Variants in IGF1R observed in about 807,000 individuals in gnomAD.
IGF1R encodes the protein insulin-like growth factor 1 receptor.
In IGF1R, 44 loss-of-function variants were observed where a neutral mutation model predicts 144.6. The ratio of observed to expected loss-of-function variants is 0.30; its 90% CI spans 0.24 to 0.39. IGF1R has a LOEUF of 0.39. Among genes scored for constraint, IGF1R ranks in the 10% least tolerant of loss-of-function variants. The pLI is 1.00. For synonymous variants in IGF1R, 795 were observed against 722.8 expected, an observed-to-expected ratio of 1.10 and a Z score of -1.60; for missense variants, 1,355 against 1,833.7, an observed-to-expected ratio of 0.74 and a Z score of 4.77.
chr15:98,812,336 CA>C (rs1343230116), intron 2 of IGF1R, among the ~76,000 whole-genome samples: 1 of 151,014 alleles, frequency 6.6e-6, no homozygotes, highest in Admixed American at 6.6e-5. Context: ...ATTATTTTTA[CA>C]TTGTTGTTGT....
chr15:98,713,969 A>G (rs1442591752), intron 2 of IGF1R, among the ~76,000 whole-genome samples: 2 of 152,120 alleles, frequency 1.3e-5, no homozygotes, highest in African/African-American at 4.8e-5. Context: ...GGGCAGCCTT[A>G]TTTCAATTAA....
chr15:98,848,817 A>G (rs1224766399), intron 2 of IGF1R, among the ~76,000 whole-genome samples: 1 of 152,254 alleles, frequency 6.6e-6, no homozygotes, highest in African/African-American at 2.4e-5. Flanking sequence ...CAACTGTACA[A>G]TATGCAAATA....
intron 2 of IGF1R, among the ~76,000 whole-genome samples, chr15:98,880,492 T>G (rs2013316274): frequency 6.6e-6 from 1 of 152,218 alleles, no homozygotes; most frequent in Admixed American, 6.5e-5. Flanking sequence ...AATTAAGTGT[T>G]CACAGATACA....
At chr15:98,941,925 A>G (rs894761724) in intron 18 of IGF1R, among the ~76,000 whole-genome samples, 3 of 152,238 alleles carry the variant, frequency 2.0e-5, no homozygotes, top group African/African-American at 7.2e-5. Flanking sequence ...AAAATCTGAC[A>G]AAGCAGCAAT....
chr15:98,760,829 C>T (rs1000312274), intron 2 of IGF1R, among the ~76,000 whole-genome samples: 1 of 152,314 alleles, frequency 6.6e-6, no homozygotes, highest in East Asian at 1.9e-4. Flanking sequence ...TTTCTGATTA[C>T]CCATCCTTCG....
rs1228234850 is a variant in IGF1R at position 98,959,156 on chromosome 15, C to G, written c.*1714C>G. ...CACTCACCGTGGTTGAGAAGCCTCA[C>G]CCTCTCTTTCCCTTGCCTTTGCTTA... On this transcript the variant is annotated 3_prime_UTR_variant, in exon 21 of 21. Coordinates refer to ENST00000650285, the MANE Select transcript of IGF1R (RefSeq NM_000875.5). 1.7e-5 allele frequency: 4 copies of G among 233,386 alleles called. No homozygotes were observed. The highest frequency in any genetic ancestry group is 8.8e-5 in the African/African-American group (4 of 45,356). 14.5% of individuals were successfully genotyped at this position (233,386 alleles called of 1,614,324 possible).
intron 2 of IGF1R, among the ~76,000 whole-genome samples, chr15:98,709,867 A>G (rs2053952211): frequency 6.6e-6 from 1 of 152,200 alleles, no homozygotes; most frequent in East Asian, 1.9e-4. Context: ...TTGTTCACGA[A>G]CTAGGTAGGT....
At chr15:98,953,847 G>A (rs554578511) in intron 20 of IGF1R, among the ~76,000 whole-genome samples, 60 of 152,264 alleles carry the variant, frequency 3.9e-4, no homozygotes, top group Non-Finnish European at 2.2e-4. Context: ...TTGGTTCTGC[G>A]GGAATCGAGT....
intron 1 of IGF1R, among the ~76,000 whole-genome samples, chr15:98,673,409 G>T (rs1192440716): frequency 6.6e-6 from 1 of 152,136 alleles, no homozygotes; most frequent in Admixed American, 6.6e-5. Context: ...TGCTCTTCTA[G>T]TAGGAAAATA....
At chr15:98,853,071 G>A (rs930361501) in intron 2 of IGF1R, among the ~76,000 whole-genome samples, 1 of 152,176 alleles carries the variant, frequency 6.6e-6, no homozygotes, top group Non-Finnish European at 1.5e-5. Context: ...GTGCATCTCT[G>A]GAAGGACTGG....
chr15:98,935,849 T>TTGTGC lies in IGF1R; in HGVS notation c.3297+427_3297+431dup, dbSNP rs1253600395. Among the ~76,000 whole-genome samples, 5 of 152,212 alleles carry TTGTGC rather than the reference T, an allele frequency of 3.3e-5. No individual in the cohort carries two copies. Among genetic ancestry groups the TTGTGC allele is most frequent in the Non-Finnish European group, 5.9e-5 (4 of 68,032 alleles). On this transcript the variant is annotated intron_variant, in intron 17 of 20. Coordinates refer to ENST00000650285, the MANE Select transcript of IGF1R (RefSeq NM_000875.5). The surrounding 1 kb of genome is among the most constrained non-coding windows in gnomAD (Gnocchi z 4.2). ...ATGTGTTCTCTCTCGTTATGTTGTGTTGTGCTGTTGTTGGAGTGTGTCCCC... is the reference window on the plus strand; with the variant it reads ...ATGTGTTCTCTCTCGTTATGTTGTGTTGTGCTGTGCTGTTGTTGGAGTGTGTCCCC...
At chr15:98,859,734 A>G (rs2012041316) in intron 2 of IGF1R, among the ~76,000 whole-genome samples, 1 of 152,240 alleles carries the variant, frequency 6.6e-6, no homozygotes, top group South Asian at 2.1e-4. Context: ...AACTGTATAG[A>G]TTGATTTAGT....
intron 2 of IGF1R, among the ~76,000 whole-genome samples, chr15:98,773,732 C>T (rs1326163474): frequency 6.6e-6 from 1 of 152,148 alleles, no homozygotes; most frequent in Non-Finnish European, 1.5e-5. Flanking sequence ...CAGGTTGGTC[C>T]CTTAGAACGC....
In IGF1R at chr15:98,960,158, T is replaced by A; in HGVS notation, c.*2716T>A. 4.3e-6 allele frequency: 1 copy of A among 233,706 alleles called. No individual in the cohort carries two copies. The highest frequency in any genetic ancestry group is 8.5e-6 in the Non-Finnish European group (1 of 118,054). The allele number at this position is 233,706 out of a possible 1,614,324, so 14.5% of individuals were successfully genotyped here. On this transcript the variant is annotated 3_prime_UTR_variant, in exon 21 of 21. Coordinates refer to ENST00000650285, the MANE Select transcript of IGF1R (RefSeq NM_000875.5). Reference sequence around the variant, plus strand: ...TAGGCCGTTGATACTGGTAACCTCATCCACGCCACAGGCGCCACACCCAGG... The same window carrying A: ...TAGGCCGTTGATACTGGTAACCTCAACCACGCCACAGGCGCCACACCCAGG...
At chr15:98,727,019 C>G (rs1276054516) in intron 2 of IGF1R, among the ~76,000 whole-genome samples, 1 of 152,094 alleles carries the variant, frequency 6.6e-6, no homozygotes, top group African/African-American at 2.4e-5. Context: ...CCACACCTGG[C>G]CTGATGAATT....
chr15:98,689,677 A>G (rs75611398), intron 1 of IGF1R, among the ~76,000 whole-genome samples: 1 of 152,242 alleles, frequency 6.6e-6, no homozygotes, highest in Non-Finnish European at 1.5e-5. Context: ...CAGAAGGCAC[A>G]TTAGGTTCTT....
intron 1 of IGF1R, among the ~76,000 whole-genome samples, chr15:98,706,795 T>C (rs558498872): frequency 3.3e-5 from 5 of 151,544 alleles, no homozygotes; most frequent in African/African-American, 1.2e-4. Context: ...TTGTTTATCG[T>C]GGAATGTTGA....
At chr15:98,812,849 G>C (rs751350325) in intron 2 of IGF1R, among the ~76,000 whole-genome samples, 1 of 152,184 alleles carries the variant, frequency 6.6e-6, no homozygotes, top group Non-Finnish European at 1.5e-5. Context: ...ATAACTCCAA[G>C]TTGGCTTGAC....
intron 17 of IGF1R, 67 bp from the exon 18 acceptor site, chr15:98,939,134 C>G (rs959412659): frequency 7.2e-7 from 1 of 1,385,376 alleles, no homozygotes. Context: ...ATGCAAACCT[C>G]GAAAGAAATT....
Sources: allele counts gnomAD v4.1 joint callset (sites outside exome capture counted in the v4.1 genomes callset), GRCh38; gene constraint gnomAD v4.1.1; non-coding constraint Gnocchi (gnomAD v3.1); transcripts MANE v1.5; gene names NCBI Gene and HGNC (gene_info 2026-07-23, HGNC 2026-07-21).